The following PLEKHG1 variants were observed in gnomAD, a reference collection of about 807,000 sequenced individuals.
The protein encoded by PLEKHG1 is pleckstrin homology domain-containing family G member 1.
PLEKHG1 carries 44 observed loss-of-function variants against 100.8 expected under a neutral mutation model. The observed-to-expected ratio is 0.44, with a 90% CI of 0.34 to 0.56. The LOEUF (loss-of-function observed/expected upper bound fraction) is 0.56. Among genes scored for constraint, PLEKHG1 ranks in the 20% least tolerant of loss-of-function variants. The pLI is 0.01. For synonymous variants in PLEKHG1, 640 were observed against 662.5 expected (o/e 0.97, Z 0.52); for missense variants, 1,545 against 1,720.9 (o/e 0.90, Z 1.81).
intron 15 of PLEKHG1, among the ~76,000 whole-genome samples, chr6:150,836,964 C>T (rs1777255396): frequency 6.6e-6 from 1 of 152,008 alleles, no homozygotes; most frequent in South Asian, 2.1e-4. Flanking sequence ...GAGTTCGAGA[C>T]CAGCTTGGCT....
chr6:150,802,484 A>T (rs1207399495), intron 6 of PLEKHG1, among the ~76,000 whole-genome samples: 1 of 152,168 alleles, frequency 6.6e-6, no homozygotes, highest in Admixed American at 6.5e-5. Context: ...ATATGAAACA[A>T]GTCAAGATCC....
chr6:150,807,505 A>G (rs1339340720), intron 7 of PLEKHG1, among the ~76,000 whole-genome samples: 1 of 152,150 alleles, frequency 6.6e-6, no homozygotes, highest in Non-Finnish European at 1.5e-5. Flanking sequence ...GAATATTTTC[A>G]TTTTTCAAAT....
chr6:150,807,786 T>C (rs902116371), intron 7 of PLEKHG1, among the ~76,000 whole-genome samples: 3 of 151,994 alleles, frequency 2.0e-5, no homozygotes, highest in African/African-American at 7.3e-5. Flanking sequence ...CTGGCCAACA[T>C]AGTGAAACCC....
chr6:150,663,776 A>G (rs1779299322), intron 3 of PLEKHG1: 1 of 151,686 alleles, frequency 6.6e-6, no homozygotes, highest in Non-Finnish European at 1.5e-5. Context: ...CTGGTCTCGA[A>G]CTCCTGACCT....
chr6:150,624,079 A>G (rs9398028), intron 1 of PLEKHG1, among the ~76,000 whole-genome samples: 26,893 of 152,182 alleles, frequency 0.18, 2,631 homozygotes, highest in East Asian at 0.31. Flanking sequence ...TATGTTAGGC[A>G]CAATCCTCAT....
In PLEKHG1 at chr6:150,834,539, A is replaced by G. The variant is rs186904141; in HGVS notation, c.3094+2334A>G. 2.2e-3 allele frequency among the ~76,000 whole-genome samples: 341 copies of G among 152,366 alleles called. 2 individuals carry two copies. The highest frequency in any genetic ancestry group is 3.7e-3 in the Non-Finnish European group (251 of 68,040). The stretch of plus-strand genomic sequence containing the variant: ...TAAAATACAAAGCTCCAATCTTGAC[A>G]GAAGCATGTCCTTTGATACTGAATC... On this transcript the variant is annotated intron_variant, in intron 15 of 15. Transcript: ENST00000358517.
intron 1 of PLEKHG1, among the ~76,000 whole-genome samples, chr6:150,731,960 GA>G (rs1469269629): frequency 9.2e-6 from 1 of 108,492 alleles, no homozygotes; most frequent in Non-Finnish European, 1.7e-5. Flanking sequence ...GGTATTAAGT[GA>G]CTTTTTTTTT....
At chr6:150,744,857 A>C (rs1783069460) in intron 2 of PLEKHG1, among the ~76,000 whole-genome samples, 1 of 152,222 alleles carries the variant, frequency 6.6e-6, no homozygotes, top group South Asian at 2.1e-4. Flanking sequence ...GGTCCCAATC[A>C]GGCTTTGTAG....
chr6:150,674,973 A>G (rs917479468), intron 3 of PLEKHG1, among the ~76,000 whole-genome samples: 1 of 152,162 alleles, frequency 6.6e-6, no homozygotes, highest in Non-Finnish European at 1.5e-5. Context: ...GTGAGCCACC[A>G]TGCCCGGCCA....
At chr6:150,813,128 AC>A (rs1182578428) in intron 10 of PLEKHG1, among the ~76,000 whole-genome samples, 1 of 151,800 alleles carries the variant, frequency 6.6e-6, no homozygotes, top group Non-Finnish European at 1.5e-5. Context: ...ACACGGTGAA[AC>A]CCCATCTCTA....
chr6:150,666,669 G>A (rs1375943426), intron 3 of PLEKHG1, among the ~76,000 whole-genome samples: 1 of 152,068 alleles, frequency 6.6e-6, no homozygotes, highest in Non-Finnish European at 1.5e-5. Flanking sequence ...ACCATCAAAC[G>A]TGCACAGCAA....
At chr6:150,712,074 T>C (rs1301645485) in intron 3 of PLEKHG1, among the ~76,000 whole-genome samples, 1 of 152,166 alleles carries the variant, frequency 6.6e-6, no homozygotes, top group Non-Finnish European at 1.5e-5. Flanking sequence ...GAAGGGTGTA[T>C]GTGAAGCAAA....
chr6:150,782,784 C>T (rs1583120272), intron 3 of PLEKHG1, among the ~76,000 whole-genome samples: 1 of 152,134 alleles, frequency 6.6e-6, no homozygotes, highest in South Asian at 2.1e-4. Context: ...GTTTCAGAAC[C>T]ACTGCCTTGG....
intron 1 of PLEKHG1, among the ~76,000 whole-genome samples, chr6:150,617,984 G>A (rs1365334568): frequency 1.3e-5 from 2 of 152,158 alleles, no homozygotes; most frequent in African/African-American, 4.8e-5. Context: ...GCATGCGTGT[G>A]AGTGTGTATG....
At chr6:150,623,928 A>C (rs906206919) in intron 1 of PLEKHG1, among the ~76,000 whole-genome samples, 2 of 152,210 alleles carry the variant, frequency 1.3e-5, no homozygotes, top group African/African-American at 4.8e-5. Context: ...TTAAATCTCC[A>C]GTTAAGCTGT....
intron 2 of PLEKHG1, among the ~76,000 whole-genome samples, chr6:150,740,899 C>T (rs561909321): frequency 3.3e-4 from 50 of 152,266 alleles, no homozygotes; most frequent in African/African-American, 1.1e-3. Context: ...TTTACATAAT[C>T]TCTCAAAAAT....
chr6:150,627,633 C>G (rs1777561485), intron 1 of PLEKHG1, among the ~76,000 whole-genome samples: 1 of 152,062 alleles, frequency 6.6e-6, no homozygotes, highest in Admixed American at 6.5e-5. Context: ...AGTCCGCAAG[C>G]AGGAAGTTAA....
intron 10 of PLEKHG1, among the ~76,000 whole-genome samples, chr6:150,815,886 T>TCAC (rs1787837006): frequency 6.6e-6 from 1 of 152,216 alleles, no homozygotes. Context: ...AGGACAGTGG[T>TCAC]CTTCAACCTT....
intron 14 of PLEKHG1, among the ~76,000 whole-genome samples, chr6:150,823,990 G>A (rs1045494688): frequency 6.6e-6 from 1 of 152,176 alleles, no homozygotes; most frequent in South Asian, 2.1e-4. Context: ...GCTCACGTGA[G>A]CCACCTCACA....
Sources: allele counts gnomAD v4.1 joint callset (sites outside exome capture counted in the v4.1 genomes callset), GRCh38; gene constraint gnomAD v4.1.1; transcripts MANE v1.5; gene names NCBI Gene and HGNC (gene_info 2026-07-23, HGNC 2026-07-21).